The following KYNU variants were observed in gnomAD, a reference collection of about 807,000 sequenced individuals.
KYNU encodes L-kynurenine hydrolase.
In KYNU, 54 loss-of-function variants were observed where a neutral mutation model predicts 59.2. That is an observed-to-expected ratio of 0.91 (90% CI 0.73 to 1.14). The LOEUF (loss-of-function observed/expected upper bound fraction) is 1.14. Ranked by LOEUF, KYNU falls within the 50% of genes most tolerant of loss-of-function variation. The pLI is 0.00. For synonymous variants in KYNU, 177 were observed against 192.0 expected (o/e 0.92, Z 0.65); for missense variants, 567 against 554.4 (o/e 1.02, Z -0.23).
At chr2:142,991,249 A>G (rs972368485) in intron 10 of KYNU, among the ~76,000 whole-genome samples, 16 of 151,896 alleles carry the variant, frequency 1.1e-4, no homozygotes, top group African/African-American at 3.6e-4. Context: ...TCTATAATTT[A>G]AATCCTGTTT....
rs1686814222 is a variant in KYNU at position 143,033,432 on chromosome 2, T to C, written c.1041+111T>C. The C allele has an allele frequency of 3.5e-6, 3 of 847,024 alleles. No homozygotes were observed. The African/African-American group carries it at 5.0e-5, about 14-fold the overall frequency. 52.5% of individuals were successfully genotyped at this position (847,024 alleles called of 1,614,324 possible). On this transcript the variant is annotated intron_variant, in intron 12 of 13. Transcript: ENST00000264170. ...ACAGCAAGATGATACATGTGCACTG[T>C]GCATGAACAAGGGACAGAAGGCAGC...
rs1200951540 is a variant in KYNU, at chr2:143,051,582, G to C, written c.*9410G>C. ...CCTGGTAAGAGGTAATTGAATCATG[G>C]GGGCAGGACTTTCCCATGATGTTCT... On this transcript the variant is annotated 3_prime_UTR_variant, in exon 14 of 14. Transcript: ENST00000264170. The C allele has an allele frequency of 1.3e-5, 2 of 152,002 alleles. No homozygotes were observed. Among genetic ancestry groups the C allele is most frequent in the Non-Finnish European group, 2.9e-5 (2 of 67,994 alleles). The allele number at this position is 152,002 out of a possible 1,614,324, so 9.4% of individuals were successfully genotyped here. A position where few individuals can be genotyped will look rare whatever the true frequency, so the allele number is the denominator to read the frequency against.
intron 2 of KYNU, among the ~76,000 whole-genome samples, chr2:142,889,608 A>G (rs1380694410): frequency 1.3e-5 from 2 of 152,162 alleles, no homozygotes; most frequent in Non-Finnish European, 2.9e-5. Context: ...AAGGCACTGT[A>G]TTTTAGAATA....
intron 10 of KYNU, among the ~76,000 whole-genome samples, chr2:142,986,615 T>A (rs1187029069): frequency 1.3e-5 from 2 of 151,864 alleles, no homozygotes; most frequent in Non-Finnish European, 2.9e-5. Flanking sequence ...AATGCAAATA[T>A]AATACACCAA....
At chr2:142,960,375 A>G (rs1482577258) in intron 7 of KYNU, among the ~76,000 whole-genome samples, 2 of 152,224 alleles carry the variant, frequency 1.3e-5, no homozygotes, top group African/African-American at 2.4e-5. Flanking sequence ...AAACTGGAGA[A>G]TAAATCAAGC....
chr2:142,926,454 T>C (rs914807536), intron 3 of KYNU, among the ~76,000 whole-genome samples: 2 of 152,154 alleles, frequency 1.3e-5, no homozygotes, highest in Non-Finnish European at 2.9e-5. Context: ...TTTTGATCAA[T>C]AGAAGTTTGA....
intron 2 of KYNU, among the ~76,000 whole-genome samples, chr2:142,892,122 C>G (rs1681737331): frequency 6.6e-6 from 1 of 152,222 alleles, no homozygotes; most frequent in African/African-American, 2.4e-5. Flanking sequence ...CCATGTTGCC[C>G]ATGCTTGTCT....
chr2:142,895,932 T>C (rs550442215), intron 2 of KYNU, among the ~76,000 whole-genome samples: 39 of 152,332 alleles, frequency 2.6e-4, no homozygotes, highest in Middle Eastern at 3.4e-3. Context: ...TCCTTATTCC[T>C]TGGCCTTCCA....
At chr2:143,038,619 G>C (rs1428290968) in intron 12 of KYNU, among the ~76,000 whole-genome samples, 2 of 152,102 alleles carry the variant, frequency 1.3e-5, no homozygotes, top group Non-Finnish European at 2.9e-5. Flanking sequence ...CATTGTCTGG[G>C]AGTTGTGGTT....
intron 1 of KYNU, among the ~76,000 whole-genome samples, chr2:142,881,909 C>CTTTTTTTTTTT (rs1222437103): frequency 1.0e-3 from 129 of 124,642 alleles, no homozygotes; most frequent in African/African-American, 3.3e-3. Context: ...CTTTTCTTTT[C>CTTTTTTTTTTT]TTTTTTCTTT....
chr2:143,017,782 T>C (rs1446059646), intron 10 of KYNU, among the ~76,000 whole-genome samples: 2 of 151,960 alleles, frequency 1.3e-5, no homozygotes, highest in African/African-American at 2.4e-5. Flanking sequence ...TGGTGTGAGG[T>C]GGTGTATCAT....
intron 3 of KYNU, among the ~76,000 whole-genome samples, chr2:142,924,733 C>A (rs1477871974): frequency 6.6e-6 from 1 of 152,202 alleles, no homozygotes; most frequent in African/African-American, 2.4e-5. Flanking sequence ...TCCTTTCCAG[C>A]ATTTGTAAAA....
chr2:142,894,789 A>G (rs559657822), intron 2 of KYNU, among the ~76,000 whole-genome samples: 2 of 152,314 alleles, frequency 1.3e-5, no homozygotes, highest in African/African-American at 4.8e-5. Context: ...CCATAGTTCA[A>G]TTATTTAAGC....
At chr2:142,992,464 A>T (rs946324479) in intron 10 of KYNU, among the ~76,000 whole-genome samples, 3 of 151,800 alleles carry the variant, frequency 2.0e-5, no homozygotes, top group Admixed American at 6.6e-5. Context: ...TCTCCAAATC[A>T]TATATTAAAT....
At chr2:143,039,938 G>A (rs1210316793) in intron 12 of KYNU, among the ~76,000 whole-genome samples, 3 of 152,078 alleles carry the variant, frequency 2.0e-5, no homozygotes, top group Non-Finnish European at 4.4e-5. Context: ...AGTAAAACTT[G>A]TTTAATCCTG....
At chr2:142,908,057 T>C (rs1682357750) in intron 2 of KYNU, among the ~76,000 whole-genome samples, 1 of 152,252 alleles carries the variant, frequency 6.6e-6, no homozygotes. Context: ...TTACACCTGA[T>C]TTTCAATATG....
intron 4 of KYNU, chr2:142,953,913 G>T (rs1430941626): frequency 6.6e-6 from 1 of 152,100 alleles, no homozygotes; most frequent in Non-Finnish European, 1.5e-5. Context: ...TTTATTCTAT[G>T]TACTGTCTAT....
At chr2:143,005,575 G>A (rs1339541578) in intron 10 of KYNU, among the ~76,000 whole-genome samples, 2 of 152,066 alleles carry the variant, frequency 1.3e-5, no homozygotes, top group Non-Finnish European at 2.9e-5. Flanking sequence ...AGTATACAAA[G>A]TTGTATGTTT....
intron 10 of KYNU, among the ~76,000 whole-genome samples, chr2:143,005,733 G>T (rs1179155643): frequency 6.6e-6 from 1 of 151,768 alleles, no homozygotes; most frequent in Non-Finnish European, 1.5e-5. Flanking sequence ...AGTAATTGTG[G>T]TTTTTGCCAT....
Sources: allele counts gnomAD v4.1 joint callset (sites outside exome capture counted in the v4.1 genomes callset), GRCh38; gene constraint gnomAD v4.1.1; transcripts MANE v1.5; gene names NCBI Gene and HGNC (gene_info 2026-07-23, HGNC 2026-07-21).